The following ATXN1 variants were observed in gnomAD, a reference collection of about 807,000 sequenced individuals.
The protein encoded by ATXN1 is ataxin-1.
In ATXN1, 8 loss-of-function variants were observed where a neutral mutation model predicts 56.4. The ratio of observed to expected loss-of-function variants is 0.14; its 90% CI spans 0.08 to 0.26. The LOEUF is 0.26. Among genes scored for constraint, ATXN1 ranks in the 10% least tolerant of loss-of-function variants. ATXN1 has a pLI of 1.00. For missense variants in ATXN1, 987 were observed against 1,106.5 expected (o/e 0.89, Z 1.53); for synonymous variants, 514 against 494.6 (o/e 1.04, Z -0.52).
chr6:16,418,809 G>A (rs908321098), intron 6 of ATXN1, among the ~76,000 whole-genome samples: 1 of 144,554 alleles, frequency 6.9e-6, no homozygotes, highest in African/African-American at 2.6e-5. Flanking sequence ...TACTCCTAAC[G>A]CTAATAATTG....
At chr6:16,724,601 T>C (rs907909913) in intron 2 of ATXN1, among the ~76,000 whole-genome samples, 2 of 152,180 alleles carry the variant, frequency 1.3e-5, no homozygotes, top group African/African-American at 4.8e-5. Context: ...GGGACAACCA[T>C]TCAGACCCGA....
At chr6:16,348,959 CTCTGA>C (rs886947351) in intron 6 of ATXN1, among the ~76,000 whole-genome samples, 11 of 152,206 alleles carry the variant, frequency 7.2e-5, no homozygotes, top group African/African-American at 2.7e-4. Context: ...TAATTAATTT[CTCTGA>C]TCTAAGTACT....
intron 4 of ATXN1, among the ~76,000 whole-genome samples, chr6:16,562,487 A>G (rs1026642364): frequency 1.4e-5 from 2 of 140,470 alleles, no homozygotes; most frequent in Non-Finnish European, 3.0e-5. Context: ...AGAGGAGAGG[A>G]AAGGAAAGGA....
intron 6 of ATXN1, among the ~76,000 whole-genome samples, chr6:16,470,898 C>T (rs1188291055): frequency 6.6e-6 from 1 of 152,108 alleles, no homozygotes; most frequent in Non-Finnish European, 1.5e-5. Context: ...ATTATCCTAG[C>T]CAAGGTCTCT....
chr6:16,419,192 T>G (rs975110576), intron 6 of ATXN1, among the ~76,000 whole-genome samples: 6 of 152,226 alleles, frequency 3.9e-5, no homozygotes, highest in African/African-American at 1.4e-4. Flanking sequence ...CAAGTGATCC[T>G]CCTGCCTCAG....
Position 16,330,597 on chromosome 6 carries a change from C to T in ATXN1, c.-160-2127G>A, listed in dbSNP as rs142284212. 3.2e-3 allele frequency among the ~76,000 whole-genome samples: 488 copies of T among 152,142 alleles called. 1 individual carries two copies. The highest frequency in any genetic ancestry group is 5.4e-3 in the Admixed American group (83 of 15,274). ...TAGAGGTGGGGTTTTGCCATGTTGG[C>T]CAGGCTGGTCTTGAACAGGCCTCAG... is the stretch of plus-strand genomic sequence containing the variant. On this transcript the variant is annotated intron_variant, in intron 6 of 7. Transcript: ENST00000436367.
chr6:16,492,027 C>T (rs1421759557), intron 5 of ATXN1, among the ~76,000 whole-genome samples: 3 of 152,098 alleles, frequency 2.0e-5, no homozygotes, highest in Admixed American at 2.0e-4. Flanking sequence ...TGAAAAAGGA[C>T]CATGAGCTCC....
At chr6:16,350,432 C>T (rs1761541554) in intron 6 of ATXN1, among the ~76,000 whole-genome samples, 1 of 152,204 alleles carries the variant, frequency 6.6e-6, no homozygotes, top group Non-Finnish European at 1.5e-5. Context: ...CTCAAATCAG[C>T]ATGCACTCCG....
intron 3 of ATXN1, among the ~76,000 whole-genome samples, chr6:16,602,800 T>C (rs1262834712): frequency 6.6e-6 from 1 of 152,170 alleles, no homozygotes; most frequent in East Asian, 1.9e-4. Context: ...TCTCCTACTT[T>C]TGCAAGCTTC....
chr6:16,756,476 G>T (rs564671373), intron 1 of ATXN1, among the ~76,000 whole-genome samples: 1 of 152,290 alleles, frequency 6.6e-6, no homozygotes, highest in South Asian at 2.1e-4. Flanking sequence ...TTTCTACAAT[G>T]TATTGCTTTC....
At position 16,327,027 on chromosome 6, in the gene ATXN1, G is replaced by C. The variant is rs745328393; in HGVS notation, c.1284C>G (p.Leu428=). ...LGKPGHRSYA[L]SPHTVIQTTH... ...TGGTCTGAATGACCGTGTGGGGTGA[G>C]AGCGCGTAGGACCGGTGGCCAGGCT... is the stretch of plus-strand genomic sequence containing the variant. Residue 428 remains leucine, a synonymous_variant, in exon 7 of 8, where the codon CTC becomes CTG. Transcript: ENST00000436367. 1.7e-5 allele frequency: 27 copies of C among 1,614,170 alleles called. No individual in the cohort carries two copies. In the African/African-American group the frequency reaches 2.4e-4, roughly 14 times the overall value.
At chr6:16,694,146 T>C (rs1241618899) in intron 2 of ATXN1, among the ~76,000 whole-genome samples, 1 of 151,880 alleles carries the variant, frequency 6.6e-6, no homozygotes, top group Non-Finnish European at 1.5e-5. Context: ...CGATTATCAG[T>C]ACTCAAAAAT....
intron 4 of ATXN1, among the ~76,000 whole-genome samples, chr6:16,541,608 G>A (rs1761714864): frequency 6.6e-6 from 1 of 152,164 alleles, no homozygotes; most frequent in South Asian, 2.1e-4. Context: ...CTTCCAGGCG[G>A]CAGACTTCAT....
chr6:16,622,506 T>C (rs2113802196), intron 3 of ATXN1, among the ~76,000 whole-genome samples: 1 of 152,356 alleles, frequency 6.6e-6, no homozygotes, highest in Non-Finnish European at 1.5e-5. Context: ...CAGGAAGTAC[T>C]AATTAGAATC....
At chr6:16,310,546 G>A (rs185310560) in intron 7 of ATXN1, among the ~76,000 whole-genome samples, 13 of 152,226 alleles carry the variant, frequency 8.5e-5, no homozygotes, top group African/African-American at 2.9e-4. Flanking sequence ...GCAGTGGCGC[G>A]ATCTCGGCTC....
intron 3 of ATXN1, among the ~76,000 whole-genome samples, chr6:16,620,672 T>C (rs1362184330): frequency 6.6e-6 from 1 of 152,230 alleles, no homozygotes; most frequent in Non-Finnish European, 1.5e-5. Context: ...TGATCATCAG[T>C]TGGCCCATAT....
chr6:16,604,831 C>A (rs1488264469), intron 3 of ATXN1, among the ~76,000 whole-genome samples: 1 of 152,076 alleles, frequency 6.6e-6, no homozygotes, highest in Non-Finnish European at 1.5e-5. Flanking sequence ...AGCAATCCTC[C>A]CACTTTGGCT....
intron 6 of ATXN1, among the ~76,000 whole-genome samples, chr6:16,477,601 C>T (rs1760352526): frequency 6.6e-6 from 1 of 152,180 alleles, no homozygotes; most frequent in South Asian, 2.1e-4. Context: ...TGTTTCCCTT[C>T]CTTCTGCCTC....
chr6:16,405,770 G>A (rs141421171), intron 6 of ATXN1, among the ~76,000 whole-genome samples: 1,553 of 152,238 alleles, frequency 0.01, 12 homozygotes, highest in Non-Finnish European at 0.015. Flanking sequence ...CCTAATATTT[G>A]TGCATACCAT....
Sources: gnomAD v4.1 joint callset for allele counts (sites outside exome capture counted in the v4.1 genomes callset) on GRCh38, gnomAD v4.1.1 for gene constraint, MANE v1.5 for transcripts, NCBI Gene and HGNC (gene_info 2026-07-23, HGNC 2026-07-21) for gene names.